TUT4: variants seen among roughly 807,000 people sequenced by gnomAD.
The protein encoded by TUT4 is terminal uridylyltransferase 4.
TUT4 carries 36 observed loss-of-function variants against 192.2 expected under a neutral mutation model. The ratio of observed to expected loss-of-function variants is 0.19; its 90% CI spans 0.14 to 0.25. The LOEUF (loss-of-function observed/expected upper bound fraction) is 0.25. Among genes scored for constraint, TUT4 ranks in the 10% least tolerant of loss-of-function variants. TUT4 has a pLI of 1.00. For synonymous variants in TUT4, 618 were observed against 666.0 expected (o/e 0.93, Z 1.11); for missense variants, 1,493 against 1,957.2 (o/e 0.76, Z 4.47).
intron 11 of TUT4, 84 bp downstream of exon 11, chr1:52,481,339 A>C (rs1222040272): frequency 7.7e-6 from 11 of 1,422,382 alleles, no homozygotes; most frequent in African/African-American, 2.8e-5. Flanking sequence ...AGGTCAGTCA[A>C]TCTACAATTA....
intron 20 of TUT4, among the ~76,000 whole-genome samples, chr1:52,447,427 C>T (rs986454669): frequency 4.8e-5 from 7 of 145,908 alleles, no homozygotes; most frequent in African/African-American, 7.7e-5. Context: ...CCAGCCTGGG[C>T]GACAGGGCGA....
At chr1:52,486,570 T>G (rs887804210) in intron 9 of TUT4, among the ~76,000 whole-genome samples, 1 of 152,176 alleles carries the variant, frequency 6.6e-6, no homozygotes, top group African/African-American at 2.4e-5. Context: ...AAAGCTATTT[T>G]AAAAAAATCT....
intron 14 of TUT4, among the ~76,000 whole-genome samples, chr1:52,469,348 T>C (rs1570639850): frequency 4.5e-4 from 1 of 2,206 alleles, no homozygotes; most frequent in African/African-American, 7.1e-3. Flanking sequence ...TCGATAAGAC[T>C]TAAGGGCAAA....
intron 2 of TUT4, 151 bp downstream of exon 2, chr1:52,525,412 A>C: frequency 9.5e-7 from 1 of 1,050,682 alleles, no homozygotes; most frequent in Non-Finnish European, 1.3e-6. Context: ...AGAAACCATT[A>C]ATGCAAGTAT....
chr1:52,507,920 T>C (rs1676060611), intron 4 of TUT4, among the ~76,000 whole-genome samples: 1 of 152,044 alleles, frequency 6.6e-6, no homozygotes. Flanking sequence ...AAACAATTCT[T>C]ATACCTCAGC....
chr1:52,515,702 G>A, intron 3 of TUT4, 189 bp downstream of exon 3: 1 of 679,164 alleles, frequency 1.5e-6, no homozygotes, highest in South Asian at 2.0e-5. Flanking sequence ...CAGATAATAA[G>A]TAACTGCTGA....
At chr1:52,505,823 G>A (rs1412713524) in intron 4 of TUT4, among the ~76,000 whole-genome samples, 2 of 151,436 alleles carry the variant, frequency 1.3e-5, no homozygotes, top group Non-Finnish European at 2.9e-5. Flanking sequence ...AAATCACAAT[G>A]AGCGGGGTTT....
intron 28 of TUT4, among the ~76,000 whole-genome samples, chr1:52,428,823 A>G (rs1650953063): frequency 6.6e-6 from 1 of 152,052 alleles, no homozygotes; most frequent in East Asian, 1.9e-4. Context: ...AACAGGAAAA[A>G]CTGAACAAGG....
Position 52,431,113 on chromosome 1 carries a change from A to G in TUT4, c.4611T>C (p.Ala1537=). 6.2e-7 allele frequency: 1 copy of G among 1,614,272 alleles called. No homozygotes were observed. The highest frequency in any genetic ancestry group is 8.5e-7 in the Non-Finnish European group (1 of 1,180,042). ...TGTTAGGGATTGCCACAGGTCTGGC[A>G]GCAGGCTGTGCAAAGATGATGCTGG... ...NDPSIIFAQP[A]ARPVAIPNTS... Residue 1537 remains alanine, a synonymous_variant, in exon 28 of 30, where the codon GCT becomes GCC. Coordinates refer to ENST00000257177, the MANE Select transcript of TUT4 (RefSeq NM_001009881.3).
In TUT4 at chr1:52,453,450, A is replaced by G. The variant is rs2148576190; in HGVS notation, c.3435+4886T>C. Among the ~76,000 whole-genome samples, 3 of 152,192 alleles carry G rather than the reference A, an allele frequency of 2.0e-5. No homozygotes were observed. The South Asian group carries it at 6.2e-4, about 32-fold the overall frequency. ...TGTTTTCTCCTTAGTAACCCATCACATCAACAGGCTAAAGAAGAAAAGTCA... is the reference window on the plus strand; with the variant it reads ...TGTTTTCTCCTTAGTAACCCATCACGTCAACAGGCTAAAGAAGAAAAGTCA... On this transcript the variant is annotated intron_variant, in intron 20 of 29. Transcript: ENST00000257177.
At chr1:52,430,976 A>C (rs1651881711) in intron 28 of TUT4, 37 bp downstream of exon 28, 3 of 1,520,250 alleles carry the variant, frequency 2.0e-6, no homozygotes, top group Non-Finnish European at 2.6e-6. Flanking sequence ...AAAGAAGAAA[A>C]GACATGCAGA....
At chr1:52,441,572 C>T (rs1655588225) in intron 24 of TUT4, among the ~76,000 whole-genome samples, 1 of 149,036 alleles carries the variant, frequency 6.7e-6, no homozygotes, top group African/African-American at 2.5e-5. Flanking sequence ...GGATTACAAA[C>T]ATGAGCCACC....
chr1:52,454,715 G>A (rs1246239957), intron 20 of TUT4, among the ~76,000 whole-genome samples: 1 of 152,146 alleles, frequency 6.6e-6, no homozygotes, highest in Non-Finnish European at 1.5e-5. Flanking sequence ...TAATTGACAA[G>A]ATGGACTTTA....
intron 1 of TUT4, among the ~76,000 whole-genome samples, chr1:52,531,224 G>C (rs1337084407): frequency 1.3e-5 from 2 of 150,280 alleles, no homozygotes; most frequent in Non-Finnish European, 3.0e-5. Context: ...TCAAGAAAAA[G>C]TACTTTTTTT....
chr1:52,506,991 G>A (rs1228363458), intron 4 of TUT4, among the ~76,000 whole-genome samples: 2 of 152,092 alleles, frequency 1.3e-5, no homozygotes, highest in Non-Finnish European at 2.9e-5. Flanking sequence ...ATTTTATGTA[G>A]GACCAGACCA....
rs867740714 is a variant in TUT4 at position 52,477,607 on chromosome 1, T to C, written c.2023+101A>G. 8.0e-5 allele frequency: 91 copies of C among 1,130,804 alleles called. No individual in the cohort carries two copies. The Middle Eastern group carries it at 8.1e-4, about 10-fold the overall frequency. 70.0% of individuals were successfully genotyped at this position (1,130,804 alleles called of 1,614,324 possible). A position where few individuals can be genotyped will look rare whatever the true frequency, so the allele number is the denominator to read the frequency against. ...TAAAGAATGACAATCTAGTGACATATATATATAGTGCCACAAAGCCAAAGG... is the reference window on the plus strand; with the variant it reads ...TAAAGAATGACAATCTAGTGACATACATATATAGTGCCACAAAGCCAAAGG... On this transcript the variant is annotated intron_variant, in intron 12 of 29. Coordinates refer to ENST00000257177, the MANE Select transcript of TUT4 (RefSeq NM_001009881.3).
intron 12 of TUT4, among the ~76,000 whole-genome samples, chr1:52,477,142 T>C (rs1361047238): frequency 6.6e-6 from 1 of 152,238 alleles, no homozygotes; most frequent in Admixed American, 6.5e-5. Flanking sequence ...TCTGTATTTC[T>C]GCAAGTTTGC....
intron 4 of TUT4, among the ~76,000 whole-genome samples, chr1:52,503,633 G>A (rs940105790): frequency 3.3e-5 from 5 of 151,966 alleles, no homozygotes; most frequent in African/African-American, 1.2e-4. Context: ...GGCCCAGTAT[G>A]GACCCAAACC....
chr1:52,489,449 T>C lies in TUT4; in HGVS notation c.1389-414A>G, dbSNP rs115189094. The stretch of plus-strand genomic sequence containing the variant: ...CTTTCTACATGATAATAGCAAAAAA[T>C]GAATACTTAACTGACTGGCTATACT... On this transcript the variant is annotated intron_variant, in intron 8 of 29. Transcript: ENST00000257177. 9.0e-3 allele frequency among the ~76,000 whole-genome samples: 1,368 copies of C among 152,292 alleles called. 23 individuals are homozygous for C. Among genetic ancestry groups the C allele is most frequent in the African/African-American group, 0.031 (1,299 of 41,560 alleles).
Sources: gnomAD v4.1 joint callset for allele counts (sites outside exome capture counted in the v4.1 genomes callset) on GRCh38, gnomAD v4.1.1 for gene constraint, MANE v1.5 for transcripts, NCBI Gene and HGNC (gene_info 2026-07-23, HGNC 2026-07-21) for gene names.